The following COL16A1 variants were observed in gnomAD, a reference collection of about 807,000 sequenced individuals.
COL16A1 encodes the protein collagen type XVI alpha 1 chain, also known as collagen alpha-1(XVI) chain.
In COL16A1, 189 loss-of-function variants were observed where a neutral mutation model predicts 266.3. The observed-to-expected ratio is 0.71, with a 90% CI of 0.63 to 0.80. COL16A1 has a LOEUF of 0.80. Ranked by LOEUF, COL16A1 falls within the 30% of genes least tolerant of loss-of-function variation. The probability of loss-of-function intolerance (pLI) is 0.00; values close to 1 mark genes in which losing one functional copy is unlikely to be tolerated. For synonymous variants in COL16A1, 740 were observed against 782.3 expected, an observed-to-expected ratio of 0.95 and a Z score of 0.90; for missense variants, 1,928 against 2,122.4, an observed-to-expected ratio of 0.91 and a Z score of 1.80.
chr1:31,669,276 G>C (rs567216265), intron 49 of COL16A1, among the ~76,000 whole-genome samples: 1 of 152,158 alleles, frequency 6.6e-6, no homozygotes, highest in South Asian at 2.1e-4. Flanking sequence ...TGCCACCAAA[G>C]TGTATCATAT....
chr1:31,693,785 A>G (rs1004787056), intron 12 of COL16A1, among the ~76,000 whole-genome samples: 1 of 152,102 alleles, frequency 6.6e-6, no homozygotes, highest in African/African-American at 2.4e-5. Flanking sequence ...CCCACACATA[A>G]TCATTCTAAC....
chr1:31,693,401 AG>A (rs1644363895), intron 12 of COL16A1, among the ~76,000 whole-genome samples: 1 of 152,048 alleles, frequency 6.6e-6, no homozygotes, highest in African/African-American at 2.4e-5. Context: ...AGTCTCAAGC[AG>A]GGGGGTATCC....
In COL16A1 at chr1:31,683,721, C is replaced by T. The variant is rs1247226670; in HGVS notation, c.2365G>A (p.Val789Ile). Residue 789 changes from valine to isoleucine, a missense_variant, in exon 34 of 71, where the codon GTC (valine) becomes ATC (isoleucine). Transcript: ENST00000373672. ...TAGAGACTCACCTGGGGTCCCTGGA[C>T]TCCCCTTCCTGGAGGCCCTGGCTCT... ...QGEPGPPGRG[V>I]QGPQGEPGAP... is the part of the protein sequence containing the mutation. The T allele has an allele frequency of 6.2e-7, 1 of 1,614,158 alleles. No homozygotes were observed. The highest frequency in any genetic ancestry group is 1.7e-5 in the Admixed American group (1 of 60,020).
At position 31,683,764 on chromosome 1, in the gene COL16A1, G is replaced by C; in HGVS notation, c.2338-16C>G. 1 of 1,614,070 alleles carries C rather than the reference G, an allele frequency of 6.2e-7. No individual in the cohort carries two copies. The highest frequency in any genetic ancestry group is 8.5e-7 in the Non-Finnish European group (1 of 1,179,980). ...CTGGCTCTCCCTGAAGAGGCAGAAG[G>C]ACAGTCCCTGGCTCGAGGTTCCCCA... On this transcript the variant is annotated splice_polypyrimidine_tract_variant and intron_variant, in intron 33 of 70. Transcript: ENST00000373672.
Position 31,697,814 on chromosome 1 carries a change from A to T in COL16A1, c.657+92T>A, listed in dbSNP as rs1250185549. The T allele has an allele frequency of 3.5e-6, 5 of 1,419,182 alleles. No homozygotes were observed. The highest frequency in any genetic ancestry group is 4.4e-5 in the Admixed American group (2 of 45,564). 87.9% of individuals were successfully genotyped at this position (1,419,182 alleles called of 1,614,324 possible). On this transcript the variant is annotated intron_variant, in intron 6 of 70. Transcript: ENST00000373672. This position sits in a 1 kb window ranked among gnomAD's most constrained non-coding sequence, Gnocchi z 4.2. ...AGGAAAGCAGGGGAAGATTCTAAGC[A>T]GGAGAAGGACTTGTTCCGATACGGA...
rs756423421 is a variant in COL16A1 at position 31,666,048 on chromosome 1, G to C, written c.3391C>G (p.Pro1131Ala). ...CCTCCTTCACTCACCGCTGGGCCTG[G>C]GGGGCCTGGGAGGCCTTCAGATCCT... The part of the protein sequence containing the change: ...PPGSEGLPGP[P>A]GPAGPRGERG... The change falls in exon 53 of 71, where the codon CCA becomes GCA. Residue 1131 changes from proline to alanine, a missense_variant. Pro to Ala is a conservative substitution (Grantham distance 27). Around this residue, in one of 2 missense-constraint regions of COL16A1, gnomAD observed 1,552 missense variants for 1,637.2 expected, o/e 0.95. Transcript: ENST00000373672. 1.2e-6 allele frequency: 2 copies of C among 1,613,510 alleles called. No homozygotes were observed. Among genetic ancestry groups the C allele is most frequent in the South Asian group, 2.2e-5 (2 of 91,072 alleles).
Position 31,684,510 on chromosome 1 carries a change from C to T in COL16A1, c.2160+13G>A. 6.2e-7 allele frequency: 1 copy of T among 1,608,652 alleles called. No individual in the cohort carries two copies. The highest frequency in any genetic ancestry group is 8.5e-7 in the Non-Finnish European group (1 of 1,177,272). Reference sequence around the variant, plus strand: ...AACAAACTCCCCGACCCCAACCACCCCGCCTGACTAACCTTTTCTCCTTTT... The same window carrying T: ...AACAAACTCCCCGACCCCAACCACCTCGCCTGACTAACCTTTTCTCCTTTT... On this transcript the variant is annotated intron_variant, in intron 31 of 70. Transcript: ENST00000373672.
Position 31,657,969 on chromosome 1 carries a change from CA to C in COL16A1, c.4020+518del, listed in dbSNP as rs1641312235. ...CGTTTCCTCATCTGTAAAATGGGGA[CA>C]ATCAGATCCACTAAATGGGGCTGCG... On this transcript the variant is annotated intron_variant, in intron 64 of 70. Transcript: ENST00000373672. The surrounding 1 kb of genome is among the most constrained non-coding windows in gnomAD (Gnocchi z 6.4). Among the ~76,000 whole-genome samples the C allele has an allele frequency of 6.6e-6, 1 of 152,304 alleles. No homozygotes were observed. Among genetic ancestry groups the C allele is most frequent in the East Asian group, 1.9e-4 (1 of 5,184 alleles).
chr1:31,679,315 G>C, intron 42 of COL16A1: 2 of 1,180,320 alleles, frequency 1.7e-6, no homozygotes, highest in South Asian at 1.6e-5. Flanking sequence ...TTGCATGAAT[G>C]AGTGTTGAAT....
At position 31,702,206 on chromosome 1, in the gene COL16A1, A is replaced by G; in HGVS notation, c.-13T>C. On this transcript the variant is annotated 5_prime_UTR_variant, in exon 2 of 71. Coordinates refer to ENST00000373672, the MANE Select transcript of COL16A1 (RefSeq NM_001856.4). Reference sequence around the variant, plus strand: ...AGGATACCCACATCCCGGTCCAAAGAGGTCAGCTACAGCCACAGCACCTGA... The same window carrying G: ...AGGATACCCACATCCCGGTCCAAAGGGGTCAGCTACAGCCACAGCACCTGA... 2 of 1,613,988 alleles carry G rather than the reference A, an allele frequency of 1.2e-6. No homozygotes were observed. Among genetic ancestry groups the G allele is most frequent in the Non-Finnish European group, 1.7e-6 (2 of 1,179,908 alleles).
chr1:31,684,654 A>G, intron 30 of COL16A1, 24 bp from the exon 31 acceptor site: 1 of 1,611,674 alleles, frequency 6.2e-7, no homozygotes, highest in Non-Finnish European at 8.5e-7. Flanking sequence ...GGTTCAAGGA[A>G]AGCAAGGATG....
intron 63 of COL16A1, 78 bp from the exon 64 acceptor site, chr1:31,658,655 C>T (rs2148659138): frequency 6.0e-6 from 8 of 1,327,874 alleles, no homozygotes; most frequent in Non-Finnish European, 7.4e-6. Context: ...AGACAGACAC[C>T]CCATCGTGTG....
In COL16A1 at chr1:31,672,291, G is replaced by A. The variant is rs1553162577; in HGVS notation, c.3105+125C>T. On this transcript the variant is annotated intron_variant, in intron 47 of 70. Coordinates refer to ENST00000373672, the MANE Select transcript of COL16A1 (RefSeq NM_001856.4). ...GTATCCCAGAGAAGCCACGTGCCAG[G>A]AGAGCAGATGAGCCCAGAGTGGTAA... is the stretch of plus-strand genomic sequence containing the variant. The A allele has an allele frequency of 6.1e-5, 65 of 1,056,916 alleles. No individual in the cohort carries two copies. The South Asian group carries it at 9.5e-4, about 15-fold the overall frequency. The allele number at this position is 1,056,916 out of a possible 1,614,324, so 65.5% of individuals were successfully genotyped here.
At chr1:31,702,019 C>T (rs1324444661) in intron 2 of COL16A1, 102 bp downstream of exon 2, 1 of 1,575,146 alleles carries the variant, frequency 6.3e-7, no homozygotes, top group African/African-American at 1.3e-5. Context: ...CTATAACTGC[C>T]CACACGACCA....
At position 31,697,756 on chromosome 1, in the gene COL16A1, G is replaced by A. The variant is rs1644560877; in HGVS notation, c.657+150C>T. ...GATCATGAAGGGCCTTGAATGCCAG[G>A]TGAATATGTTTAGGCTGCATTTGGA... On this transcript the variant is annotated intron_variant, in intron 6 of 70. Transcript: ENST00000373672. The surrounding 1 kb of genome is among the most constrained non-coding windows in gnomAD (Gnocchi z 4.2). 1 of 928,628 alleles carries A rather than the reference G, an allele frequency of 1.1e-6. No individual in the cohort carries two copies. The highest frequency in any genetic ancestry group is 1.6e-6 in the Non-Finnish European group (1 of 614,318). 57.5% of individuals were successfully genotyped at this position (928,628 alleles called of 1,614,324 possible).
chr1:31,686,413 C>T (rs1444110976), intron 26 of COL16A1, 134 bp from the exon 27 acceptor site: 1 of 1,284,304 alleles, frequency 7.8e-7, no homozygotes, highest in East Asian at 2.5e-5. Flanking sequence ...AGGAAGAGGG[C>T]TTTCTCCAAG....
In COL16A1 at chr1:31,665,237, G is replaced by T; in HGVS notation, c.3493-3C>A. On this transcript the variant is annotated splice_polypyrimidine_tract_variant and splice_region_variant and intron_variant, in intron 55 of 70. Transcript: ENST00000373672. ...TTGCCTGGGAATCCAGGGGGACCCTGTATCAACAAAGGGGCAGGCAGGAAT... is the reference window on the plus strand; with the variant it reads ...TTGCCTGGGAATCCAGGGGGACCCTTTATCAACAAAGGGGCAGGCAGGAAT... 4 of 1,591,598 alleles carry T rather than the reference G, an allele frequency of 2.5e-6. No homozygotes were observed. Among genetic ancestry groups the T allele is most frequent in the Non-Finnish European group, 3.4e-6 (4 of 1,174,268 alleles).
intron 13 of COL16A1, 64 bp downstream of exon 13, chr1:31,693,028 A>G (rs1161309696): frequency 1.7e-6 from 2 of 1,146,498 alleles, no homozygotes; most frequent in African/African-American, 3.1e-5. Flanking sequence ...GATGGCTCAC[A>G]TCCCACCTCA....
chr1:31,703,520 G>C (rs980831485), intron 1 of COL16A1, among the ~76,000 whole-genome samples: 1 of 152,138 alleles, frequency 6.6e-6, no homozygotes, highest in Non-Finnish European at 1.5e-5. Context: ...GGTGCATGTG[G>C]AGGCGTGAGG....
Sources: gnomAD v4.1 joint callset for allele counts (sites outside exome capture counted in the v4.1 genomes callset) on GRCh38, gnomAD v4.1.1 for gene constraint, gnomAD v4.1.1 regional missense constraint, Gnocchi (gnomAD v3.1) non-coding constraint, MANE v1.5 for transcripts, NCBI Gene and HGNC (gene_info 2026-07-23, HGNC 2026-07-21) for gene names.